Variants in IGF1 observed in about 807,000 individuals in gnomAD.
The protein encoded by IGF1 is insulin-like growth factor 1.
A neutral mutation model predicts 13.8 loss-of-function variants in IGF1; 4 were observed. The ratio of observed to expected loss-of-function variants is 0.29; its 90% CI spans 0.14 to 0.66. The LOEUF (loss-of-function observed/expected upper bound fraction) is 0.66. IGF1 is among the 30% of genes least tolerant of loss of function. The pLI, the probability that IGF1 is intolerant of heterozygous loss-of-function variation, is 0.78. For synonymous variants in IGF1, 76 were observed against 72.6 expected (o/e 1.05, Z -0.23); for missense variants, 124 against 188.5 (o/e 0.66, Z 2.00).
intron 3 of IGF1, among the ~76,000 whole-genome samples, chr12:102,405,180 C>T (rs1018066688): frequency 5.3e-5 from 8 of 151,132 alleles, no homozygotes; most frequent in African/African-American, 1.7e-4. Flanking sequence ...CTTTGCCTCC[C>T]AGTTCAAGTG....
At chr12:102,462,238 G>C (rs1300494111) in intron 2 of IGF1, among the ~76,000 whole-genome samples, 1 of 152,150 alleles carries the variant, frequency 6.6e-6, no homozygotes, top group Non-Finnish European at 1.5e-5. Flanking sequence ...ATTGTTTCTT[G>C]CCACAAAACA....
At chr12:102,417,555 C>G in intron 3 of IGF1, 1 of 1,172,402 alleles carries the variant, frequency 8.5e-7, no homozygotes, top group Non-Finnish European at 1.1e-6. Context: ...CTTTTTTTGC[C>G]TCTTTTATAA....
At chr12:102,480,152 C>T (rs1251281646) in intron 1 of IGF1, among the ~76,000 whole-genome samples, 167 bp downstream of exon 1, 4 of 152,102 alleles carry the variant, frequency 2.6e-5, no homozygotes, top group Non-Finnish European at 5.9e-5. Context: ...TCCATCTCCC[C>T]GAGCTATTTT....
At chr12:102,434,994 A>T (rs1253666735) in intron 2 of IGF1, among the ~76,000 whole-genome samples, 4 of 152,218 alleles carry the variant, frequency 2.6e-5, no homozygotes, top group Non-Finnish European at 5.9e-5. Context: ...AAAATATTTG[A>T]ACGAAAATTA....
At chr12:102,443,560 T>C (rs1878047355) in intron 2 of IGF1, among the ~76,000 whole-genome samples, 1 of 152,110 alleles carries the variant, frequency 6.6e-6, no homozygotes, top group African/African-American at 2.4e-5. Flanking sequence ...AACTTCCATA[T>C]TGTTTAAGCC....
At chr12:102,405,565 T>C (rs1874086734) in intron 3 of IGF1, among the ~76,000 whole-genome samples, 1 of 152,162 alleles carries the variant, frequency 6.6e-6, no homozygotes, top group South Asian at 2.1e-4. Flanking sequence ...AAGGATGCCA[T>C]CTCTCTGCCT....
At chr12:102,434,975 C>G (rs559721101) in intron 2 of IGF1, among the ~76,000 whole-genome samples, 1 of 152,220 alleles carries the variant, frequency 6.6e-6, no homozygotes, top group Non-Finnish European at 1.5e-5. Context: ...TGTCCACAAC[C>G]ATGGATAGAA....
rs371125874 is a variant in IGF1 at position 102,475,755 on chromosome 12, C to A, written c.108G>T (p.Ala36=). The A allele has an allele frequency of 6.2e-7, 1 of 1,614,146 alleles. No individual in the cohort carries two copies. Among genetic ancestry groups the A allele is most frequent in the East Asian group, 2.2e-5 (1 of 44,878 alleles). Residue 36 remains alanine (A), a synonymous_variant, in exon 2 of 4, where the codon GCG becomes GCT. Coordinates refer to ENST00000337514, the MANE Select transcript of IGF1 (RefSeq NM_000618.5). ...TMSSSHLFYL[A]LCLLTFTSSA... Reference sequence around the variant, plus strand: ...AGCTGGTGAAGGTGAGCAGGCACAGCGCCAGGTAGAAGAGATGCGAGGAGG... The same window carrying A: ...AGCTGGTGAAGGTGAGCAGGCACAGAGCCAGGTAGAAGAGATGCGAGGAGG...
At chr12:102,445,155 T>A (rs931629416) in intron 2 of IGF1, among the ~76,000 whole-genome samples, 3 of 151,488 alleles carry the variant, frequency 2.0e-5, no homozygotes, top group African/African-American at 7.2e-5. Flanking sequence ...TAGTATAGTT[T>A]GAAGTCAGGT....
intron 2 of IGF1, among the ~76,000 whole-genome samples, chr12:102,459,520 A>G (rs1879730298): frequency 6.6e-6 from 1 of 151,570 alleles, no homozygotes; most frequent in Non-Finnish European, 1.5e-5. Flanking sequence ...GGTGCAAAAC[A>G]AACTGTAAGG....
At chr12:102,474,088 C>A (rs564806834) in intron 2 of IGF1, among the ~76,000 whole-genome samples, 1 of 152,270 alleles carries the variant, frequency 6.6e-6, no homozygotes, top group South Asian at 2.1e-4. Context: ...GTGAGAACCA[C>A]TTTTTCATTT....
chr12:102,449,900 G>A (rs768481889), intron 2 of IGF1, among the ~76,000 whole-genome samples: 6 of 152,016 alleles, frequency 3.9e-5, no homozygotes, highest in Non-Finnish European at 5.9e-5. Flanking sequence ...ACAAATGTGC[G>A]TAGGTAGAGA....
chr12:102,451,749 T>C (rs1229217642), intron 2 of IGF1, among the ~76,000 whole-genome samples: 1 of 152,130 alleles, frequency 6.6e-6, no homozygotes, highest in East Asian at 1.9e-4. Flanking sequence ...CCCTGTCAGT[T>C]TGGTTCAGTG....
At chr12:102,417,785 T>A (rs770886254) in intron 3 of IGF1, 3 of 1,613,180 alleles carry the variant, frequency 1.9e-6, no homozygotes, top group Admixed American at 1.7e-5. Context: ...TCTCTCATCA[T>A]CCTTGCCTCT....
intron 2 of IGF1, among the ~76,000 whole-genome samples, chr12:102,426,623 A>T (rs930749723): frequency 1.3e-5 from 2 of 152,228 alleles, no homozygotes; most frequent in African/African-American, 4.8e-5. Context: ...GAATCTTTCA[A>T]TCAAGTCAAA....
rs760792962 is a variant in IGF1 at position 102,468,576 on chromosome 12, T to C, written c.220+7067A>G. On this transcript the variant is annotated intron_variant, in intron 2 of 3. Coordinates refer to ENST00000337514, the MANE Select transcript of IGF1 (RefSeq NM_000618.5). ...TGTCAAATAACACCTCTTTGCTATG[T>C]TTTAAACATGATCTCATGTATAGAT... Among the ~76,000 whole-genome samples, 38 of 152,234 alleles carry C rather than the reference T, an allele frequency of 2.5e-4. 1 individual carries two copies. Among genetic ancestry groups the C allele is most frequent in the Non-Finnish European group, 8.8e-5 (6 of 68,040 alleles).
chr12:102,446,193 T>G (rs1221813902), intron 2 of IGF1, among the ~76,000 whole-genome samples: 1 of 152,204 alleles, frequency 6.6e-6, no homozygotes, highest in Non-Finnish European at 1.5e-5. Context: ...CTTTTTTTGT[T>G]GTGTCTCTGC....
In IGF1 at chr12:102,444,740, G is replaced by A. The variant is rs916690433; in HGVS notation, c.221-25050C>T. ...TTGAAAGCACTGCCCTAAGTGCCGC[G>A]TAGTATGTGAAAATGAATAGGCAAG... On this transcript the variant is annotated intron_variant, in intron 2 of 3. Transcript: ENST00000337514. Among the ~76,000 whole-genome samples, 31 of 152,030 alleles carry A rather than the reference G, an allele frequency of 2.0e-4. 1 individual carries two copies. Among genetic ancestry groups the A allele is most frequent in the Non-Finnish European group, 8.8e-5 (6 of 67,994 alleles).
At position 102,399,107 on chromosome 12, in the gene IGF1, A is replaced by ATATG. The variant is rs34621369; in HGVS notation, c.*3399_*3400insCATA. ...GTATTCCATTGGATCCTTAGGGTGA[A>ATATG]TGTGTGTGTGTGTGTGTGTGTGTGT... On this transcript the variant is annotated 3_prime_UTR_variant, in exon 4 of 4. Coordinates refer to ENST00000337514, the MANE Select transcript of IGF1 (RefSeq NM_000618.5). 4.4e-4 allele frequency: 60 copies of ATATG among 137,796 alleles called. No individual in the cohort carries two copies. Among genetic ancestry groups the ATATG allele is most frequent in the Admixed American group, 3.1e-3 (42 of 13,574 alleles). 8.5% of individuals were successfully genotyped at this position (137,796 alleles called of 1,614,324 possible).
Sources: allele counts gnomAD v4.1 joint callset (sites outside exome capture counted in the v4.1 genomes callset), GRCh38; gene constraint gnomAD v4.1.1; transcripts MANE v1.5; gene names NCBI Gene and HGNC (gene_info 2026-07-23, HGNC 2026-07-21).